Variants in NTRK2 observed in about 807,000 individuals in gnomAD.
The protein encoded by NTRK2 is neurotrophic receptor tyrosine kinase 2.
NTRK2 carries 13 observed loss-of-function variants against 94.5 expected under a neutral mutation model. The observed-to-expected ratio is 0.14, with a 90% CI of 0.09 to 0.22. The LOEUF is 0.22. NTRK2 is among the 10% of genes least tolerant of loss of function. The pLI is 1.00. For synonymous variants in NTRK2, 372 were observed against 407.4 expected (o/e 0.91, Z 1.05); for missense variants, 639 against 1,071.2 (o/e 0.60, Z 5.63).
At chr9:84,882,732 GCATGTGTGCATTATAATAACTA>G (rs909640914) in intron 14 of NTRK2, among the ~76,000 whole-genome samples, 3 of 151,570 alleles carry the variant, frequency 2.0e-5, no homozygotes, top group African/African-American at 7.3e-5. Flanking sequence ...GCGCGCGCGC[GCATGTGTGCATTATAATAACTA>G]GAAATACTTT....
At chr9:84,691,218 A>C (rs75333917) in intron 2 of NTRK2, among the ~76,000 whole-genome samples, 1 of 152,238 alleles carries the variant, frequency 6.6e-6, no homozygotes, top group Non-Finnish European at 1.5e-5. Context: ...TGCAGGAACA[A>C]TAAGTGATGT....
At chr9:84,811,903 A>G (rs2071837047) in intron 12 of NTRK2, 1 of 1,060,738 alleles carries the variant, frequency 9.4e-7, no homozygotes, top group African/African-American at 1.6e-5. Context: ...AGGTTTGGCT[A>G]TCCCCACCCC....
chr9:84,902,391 G>A (rs2076957794), intron 14 of NTRK2, among the ~76,000 whole-genome samples: 1 of 152,062 alleles, frequency 6.6e-6, no homozygotes, highest in Non-Finnish European at 1.5e-5. Context: ...GTGAGTGAGT[G>A]TGCATCTGTA....
intron 14 of NTRK2, among the ~76,000 whole-genome samples, chr9:84,900,135 C>T (rs1293306202): frequency 6.6e-6 from 1 of 152,120 alleles, no homozygotes; most frequent in African/African-American, 2.4e-5. Flanking sequence ...GGAAATCAGA[C>T]CAGTTTCATT....
At chr9:84,806,428 T>C (rs553243340) in intron 12 of NTRK2, among the ~76,000 whole-genome samples, 4 of 152,182 alleles carry the variant, frequency 2.6e-5, no homozygotes, top group African/African-American at 9.6e-5. Context: ...AAAAGGGGTG[T>C]TTTAGGGATG....
At chr9:84,774,239 A>G (rs943123813) in intron 12 of NTRK2, among the ~76,000 whole-genome samples, 1 of 152,206 alleles carries the variant, frequency 6.6e-6, no homozygotes, top group African/African-American at 2.4e-5. Flanking sequence ...GTTCTGAAAC[A>G]TGGACAAAGT....
chr9:84,847,235 G>T (rs1438250794), intron 12 of NTRK2, among the ~76,000 whole-genome samples: 1 of 152,182 alleles, frequency 6.6e-6, no homozygotes, highest in Non-Finnish European at 1.5e-5. Flanking sequence ...AAACTTGGGT[G>T]CATGAAAGGA....
At chr9:84,796,714 G>A (rs757289482) in intron 12 of NTRK2, among the ~76,000 whole-genome samples, 8 of 152,300 alleles carry the variant, frequency 5.3e-5, no homozygotes, top group Non-Finnish European at 1.2e-4. Flanking sequence ...GAATATTAGG[G>A]TATCTTTCAT....
chr9:84,840,271 T>C (rs1402017258), intron 12 of NTRK2, among the ~76,000 whole-genome samples: 1 of 150,772 alleles, frequency 6.6e-6, no homozygotes, highest in African/African-American at 2.4e-5. Flanking sequence ...AATTCTTTTT[T>C]TTTTTTTTTT....
intron 12 of NTRK2, chr9:84,814,583 A>G (rs2072180961): frequency 1.9e-6 from 2 of 1,065,828 alleles, no homozygotes; most frequent in Non-Finnish European, 2.3e-6. Context: ...GATACTACAC[A>G]AGACCTGTGC....
chr9:84,879,136 AAG>A (rs377385684), intron 14 of NTRK2, among the ~76,000 whole-genome samples: 86 of 148,810 alleles, frequency 5.8e-4, no homozygotes, highest in East Asian at 7.8e-4. Flanking sequence ...GAGGCTGCCA[AAG>A]AGAGAGAGAG....
At chr9:84,861,929 C>A (rs1246901552) in intron 13 of NTRK2, among the ~76,000 whole-genome samples, 3 of 152,166 alleles carry the variant, frequency 2.0e-5, no homozygotes, top group Non-Finnish European at 1.5e-5. Flanking sequence ...AAACCATCCA[C>A]CCTATGCTTG....
intron 17 of NTRK2, among the ~76,000 whole-genome samples, chr9:84,974,364 G>A (rs771182942): frequency 5.3e-5 from 8 of 152,164 alleles, no homozygotes; most frequent in Admixed American, 5.2e-4. Flanking sequence ...ATACACCCAA[G>A]GATGCATGCC....
intron 17 of NTRK2, among the ~76,000 whole-genome samples, chr9:84,957,259 C>T (rs562513413): frequency 1.3e-5 from 2 of 152,294 alleles, no homozygotes; most frequent in African/African-American, 4.8e-5. Context: ...AAAGTGAGTG[C>T]TTGTTAAGTT....
At chr9:84,680,029 T>C (rs2059297804) in intron 2 of NTRK2, among the ~76,000 whole-genome samples, 1 of 152,236 alleles carries the variant, frequency 6.6e-6, no homozygotes, top group South Asian at 2.1e-4. Context: ...CTCTGTTTTC[T>C]GTGACCCCCA....
intron 17 of NTRK2, among the ~76,000 whole-genome samples, chr9:84,996,981 CCCGTATGCAGAGTCA>C (rs1274203208): frequency 6.6e-6 from 1 of 152,134 alleles, no homozygotes; most frequent in Non-Finnish European, 1.5e-5. Flanking sequence ...TGCAGTACGG[CCCGTATGCAGAGTCA>C]CCTGGGGCTT....
chr9:85,026,428 A>T lies in NTRK2; in HGVS notation c.*4991A>T. 4.3e-6 allele frequency: 1 copy of T among 232,168 alleles called. No individual in the cohort carries two copies. Among genetic ancestry groups the T allele is most frequent in the East Asian group, 6.1e-5 (1 of 16,382 alleles). The allele number at this position is 232,168 out of a possible 1,614,324, so 14.4% of individuals were successfully genotyped here. A position where few individuals can be genotyped will look rare whatever the true frequency, so the allele number is the denominator to read the frequency against. ...AGTAGCCATGTGTTTGAACAGGAAA[A>T]ATATTACAGAAAATGAAATGTAAAG... On this transcript the variant is annotated 3_prime_UTR_variant, in exon 19 of 19. Coordinates refer to ENST00000277120, the MANE Select transcript of NTRK2 (RefSeq NM_006180.6).
At chr9:84,984,094 A>G (rs976966768) in intron 17 of NTRK2, among the ~76,000 whole-genome samples, 3 of 152,174 alleles carry the variant, frequency 2.0e-5, no homozygotes, top group Non-Finnish European at 4.4e-5. Context: ...TAAATGAGAT[A>G]CTTCAGTGAT....
chr9:84,875,983 A>T (rs1421695985), intron 14 of NTRK2: 3 of 1,036,650 alleles, frequency 2.9e-6, no homozygotes, highest in East Asian at 5.9e-5. Flanking sequence ...GCAGGGGGGA[A>T]TCCCAGAAAG....
Sources: allele counts gnomAD v4.1 joint callset (sites outside exome capture counted in the v4.1 genomes callset), GRCh38; gene constraint gnomAD v4.1.1; transcripts MANE v1.5; gene names NCBI Gene and HGNC (gene_info 2026-07-23, HGNC 2026-07-21).